EPHA6: variants seen among roughly 807,000 people sequenced by gnomAD.
EPHA6 encodes the protein ephrin type-A receptor 6.
Under a neutral mutation model 112.0 loss-of-function variants are expected in EPHA6, and 50 were observed. The observed-to-expected ratio is 0.45, with a 90% CI of 0.36 to 0.56. EPHA6 has a LOEUF of 0.56. Ranked by LOEUF, EPHA6 falls within the 20% of genes least tolerant of loss-of-function variation. The probability of loss-of-function intolerance (pLI) is 0.00; values close to 1 mark genes in which losing one functional copy is unlikely to be tolerated. For missense variants in EPHA6, 1,280 were observed against 1,417.4 expected (o/e 0.90, Z 1.56); for synonymous variants, 529 against 490.7 (o/e 1.08, Z -1.03).
chr3:97,413,137 G>A (rs2087851052), intron 6 of EPHA6, among the ~76,000 whole-genome samples: 2 of 151,944 alleles, frequency 1.3e-5, no homozygotes, highest in South Asian at 4.1e-4. Context: ...AAAAAATGTA[G>A]CATTGCCATG....
At chr3:97,628,819 G>A (rs1184927356) in intron 13 of EPHA6, among the ~76,000 whole-genome samples, 2 of 151,914 alleles carry the variant, frequency 1.3e-5, no homozygotes, top group Non-Finnish European at 2.9e-5. Flanking sequence ...CTTGTAAATT[G>A]TGTGCATGTG....
chr3:97,135,825 G>T (rs548691405), intron 3 of EPHA6, among the ~76,000 whole-genome samples: 3 of 151,212 alleles, frequency 2.0e-5, no homozygotes, highest in African/African-American at 7.3e-5. Flanking sequence ...GGAAATTCAG[G>T]ATAAAACTCA....
chr3:97,480,633 T>A (rs1386064219), intron 9 of EPHA6, among the ~76,000 whole-genome samples: 1 of 152,244 alleles, frequency 6.6e-6, no homozygotes, highest in African/African-American at 2.4e-5. Context: ...TCTAATTCTT[T>A]CTACACAGAC....
chr3:97,205,687 A>C (rs1174573573), intron 3 of EPHA6, among the ~76,000 whole-genome samples: 1 of 152,062 alleles, frequency 6.6e-6, no homozygotes, highest in Admixed American at 6.6e-5. Flanking sequence ...AGGGAGGACT[A>C]TACATGACTG....
At chr3:97,647,584 G>C (rs1472214567) in intron 14 of EPHA6, among the ~76,000 whole-genome samples, 1 of 152,160 alleles carries the variant, frequency 6.6e-6, no homozygotes, top group Non-Finnish European at 1.5e-5. Context: ...ACTTATGAGA[G>C]ATTAGTGAAT....
chr3:96,968,318 G>A (rs188361463), intron 2 of EPHA6, among the ~76,000 whole-genome samples: 5 of 150,998 alleles, frequency 3.3e-5, no homozygotes, highest in African/African-American at 1.2e-4. Context: ...GTATTGCTTT[G>A]CTTATTGGAT....
chr3:97,063,214 G>A (rs909403666), intron 3 of EPHA6, among the ~76,000 whole-genome samples: 5 of 152,096 alleles, frequency 3.3e-5, no homozygotes, highest in Admixed American at 6.6e-5. Context: ...ATACCCAATG[G>A]AATATAAATC....
intron 3 of EPHA6, among the ~76,000 whole-genome samples, chr3:97,010,727 C>T (rs569467830): frequency 2.0e-5 from 3 of 152,186 alleles, no homozygotes; most frequent in African/African-American, 4.8e-5. Context: ...GTAGCGATCT[C>T]GGCACACTGC....
At chr3:97,359,309 C>A (rs1241941266) in intron 5 of EPHA6, among the ~76,000 whole-genome samples, 7 of 151,880 alleles carry the variant, frequency 4.6e-5, no homozygotes, top group Admixed American at 4.6e-4. Context: ...TTCATGGATT[C>A]TTCATCCTCA....
At chr3:96,882,545 T>C (rs937308390) in intron 2 of EPHA6, among the ~76,000 whole-genome samples, 2 of 152,140 alleles carry the variant, frequency 1.3e-5, no homozygotes, top group African/African-American at 2.4e-5. Context: ...CCAAAATCCA[T>C]TGTGTCATTC....
At chr3:96,900,463 A>T (rs931791387) in intron 2 of EPHA6, among the ~76,000 whole-genome samples, 23 of 152,208 alleles carry the variant, frequency 1.5e-4, no homozygotes, top group African/African-American at 5.3e-4. Flanking sequence ...AATTGCATGG[A>T]TTACTGAAAA....
intron 10 of EPHA6, among the ~76,000 whole-genome samples, chr3:97,487,559 A>AGCGTGAG (rs2107509973): frequency 6.6e-6 from 1 of 152,282 alleles, no homozygotes; most frequent in Admixed American, 6.5e-5. Context: ...TCAACTACTA[A>AGCGTGAG]CCATCAAAAT....
chr3:97,216,543 CA>C (rs1262280612), intron 3 of EPHA6, among the ~76,000 whole-genome samples: 1 of 152,214 alleles, frequency 6.6e-6, no homozygotes, highest in Admixed American at 6.5e-5. Flanking sequence ...ATGACTACTT[CA>C]GGGGGATAGG....
chr3:97,323,440 A>G (rs1037102695), intron 5 of EPHA6, among the ~76,000 whole-genome samples: 2 of 151,840 alleles, frequency 1.3e-5, no homozygotes, highest in Non-Finnish European at 1.5e-5. Flanking sequence ...AGAATGAGGG[A>G]TGGAAGAATA....
At chr3:97,403,837 C>T (rs1475256730) in intron 5 of EPHA6, among the ~76,000 whole-genome samples, 1 of 152,164 alleles carries the variant, frequency 6.6e-6, no homozygotes, top group Non-Finnish European at 1.5e-5. Context: ...AGTTTCTAAC[C>T]TTGTAGTGTT....
Position 96,964,889 on chromosome 3 carries a change from C to T in EPHA6, c.451-22441C>T, listed in dbSNP as rs185804974. On this transcript the variant is annotated intron_variant, in intron 2 of 17. Coordinates refer to ENST00000389672, the MANE Select transcript of EPHA6 (RefSeq NM_001080448.3). ...AATAGTATTGTCAAAAGAAAAACTT[C>T]AGCTGAATTAAATTTAAAGCAGTTT... 5.5e-3 allele frequency among the ~76,000 whole-genome samples: 839 copies of T among 152,250 alleles called. 7 individuals are homozygous for T. Among genetic ancestry groups the T allele is most frequent in the African/African-American group, 0.02 (817 of 41,566 alleles).
intron 6 of EPHA6, among the ~76,000 whole-genome samples, chr3:97,437,000 A>G (rs1404239417): frequency 6.6e-6 from 1 of 152,024 alleles, no homozygotes; most frequent in Admixed American, 6.6e-5. Flanking sequence ...CTGCAGCCCA[A>G]TACAAATTTG....
chr3:97,145,056 G>A (rs2076005259), intron 3 of EPHA6, among the ~76,000 whole-genome samples: 1 of 151,270 alleles, frequency 6.6e-6, no homozygotes, highest in Non-Finnish European at 1.5e-5. Flanking sequence ...TAGAATATAA[G>A]TATTTAAACT....
At chr3:97,328,054 C>CACACATATAT (rs372533674) in intron 5 of EPHA6, among the ~76,000 whole-genome samples, 1 of 120,918 alleles carries the variant, frequency 8.3e-6, no homozygotes, top group African/African-American at 3.9e-5. Context: ...CATATATACA[C>CACACATATAT]ATATATATAT....
Sources: gnomAD v4.1 joint callset for allele counts (sites outside exome capture counted in the v4.1 genomes callset) on GRCh38, gnomAD v4.1.1 for gene constraint, MANE v1.5 for transcripts, NCBI Gene and HGNC (gene_info 2026-07-23, HGNC 2026-07-21) for gene names.